Variants in DEPTOR observed in about 807,000 individuals in gnomAD.
The protein encoded by DEPTOR is DEP domain-containing mTOR-interacting protein.
In DEPTOR, 41 loss-of-function variants were observed where a neutral mutation model predicts 41.6. That is an observed-to-expected ratio of 0.98 (90% CI 0.77 to 1.28). The LOEUF (loss-of-function observed/expected upper bound fraction) is 1.28. Among genes scored for constraint, DEPTOR ranks in the 50% most tolerant of loss-of-function variants. The pLI is 0.00. For missense variants in DEPTOR, 514 were observed against 527.9 expected (o/e 0.97, Z 0.26); for synonymous variants, 195 against 192.3 (o/e 1.01, Z -0.12).
At chr8:119,941,591 A>C (rs1586625205) in intron 3 of DEPTOR, among the ~76,000 whole-genome samples, 1 of 152,146 alleles carries the variant, frequency 6.6e-6, no homozygotes, top group East Asian at 1.9e-4. Context: ...AGAGGAGTTG[A>C]AGAGATAGCA....
intron 8 of DEPTOR, among the ~76,000 whole-genome samples, chr8:120,022,722 A>T (rs1401972137): frequency 1.3e-5 from 2 of 150,338 alleles, no homozygotes; most frequent in East Asian, 2.0e-4. Flanking sequence ...TTTTCTAGAG[A>T]TGGGACTCTC....
chr8:119,944,729 A>C (rs1387913610), intron 3 of DEPTOR, among the ~76,000 whole-genome samples: 1 of 142,478 alleles, frequency 7.0e-6, no homozygotes, highest in African/African-American at 2.6e-5. Context: ...ATCTTGGCTT[A>C]CTGCAACCTC....
In DEPTOR at chr8:119,918,608, G is replaced by A. The variant is rs565843873; in HGVS notation, c.123-9792G>A. Among the ~76,000 whole-genome samples, 1,184 of 152,114 alleles carry A rather than the reference G, an allele frequency of 7.8e-3. 9 individuals are homozygous for A. The highest frequency in any genetic ancestry group is 0.072 in the Middle Eastern group (21 of 292). Reference sequence around the variant, plus strand: ...CCCGAGTAGCTGGGACTACAGGCACGTGCCACCATGCCCAGCTAATTTTTG... The same window carrying A: ...CCCGAGTAGCTGGGACTACAGGCACATGCCACCATGCCCAGCTAATTTTTG... On this transcript the variant is annotated intron_variant, in intron 1 of 8. Coordinates refer to ENST00000286234, the MANE Select transcript of DEPTOR (RefSeq NM_022783.4).
At chr8:119,888,651 T>C (rs1586599498) in intron 1 of DEPTOR, among the ~76,000 whole-genome samples, 1 of 151,712 alleles carries the variant, frequency 6.6e-6, no homozygotes, top group Non-Finnish European at 1.5e-5. Flanking sequence ...AGGCCAGGAG[T>C]TTGAGACCAG....
chr8:119,874,361 TCCCGAGGCGAC>T (rs946727366), intron 1 of DEPTOR: 2 of 243,702 alleles, frequency 8.2e-6, no homozygotes, highest in African/African-American at 4.7e-5. Flanking sequence ...CGCTGTGGGG[TCCCGAGGCGAC>T]CCCAGCCCCT....
intron 1 of DEPTOR, among the ~76,000 whole-genome samples, chr8:119,923,893 C>CTTTTTTTTTTTTTTTTTTTGTTT (rs769960283): frequency 9.5e-6 from 1 of 104,980 alleles, no homozygotes; most frequent in African/African-American, 3.0e-5. Context: ...TTTTTTCTTT[C>CTTTTTTTTTTTTTTTTTTTGTTT]TTTTTTTTTT....
chr8:120,049,883 T>C lies in DEPTOR; in HGVS notation c.*179T>C, dbSNP rs1813210503. 2 of 667,148 alleles carry C rather than the reference T, an allele frequency of 3.0e-6. No homozygotes were observed. Among genetic ancestry groups the C allele is most frequent in the Non-Finnish European group, 4.4e-6 (2 of 455,736 alleles). The allele number at this position is 667,148 out of a possible 1,614,324, so 41.3% of individuals were successfully genotyped here. ...GAATGTGGAAGAACCGGGTATCATA[T>C]CTTTTTTAAAAAATGTCAGTGTAGA... is the stretch of plus-strand genomic sequence containing the variant. On this transcript the variant is annotated 3_prime_UTR_variant, in exon 9 of 9. Coordinates refer to ENST00000286234, the MANE Select transcript of DEPTOR (RefSeq NM_022783.4).
chr8:120,015,694 A>G (rs1312548330), intron 8 of DEPTOR, among the ~76,000 whole-genome samples: 1 of 152,194 alleles, frequency 6.6e-6, no homozygotes, highest in Non-Finnish European at 1.5e-5. Flanking sequence ...TCACCCGTAC[A>G]GAGACAGAGG....
intron 4 of DEPTOR, among the ~76,000 whole-genome samples, chr8:119,988,171 GGTT>G (rs1828853720): frequency 6.6e-6 from 1 of 152,166 alleles, no homozygotes; most frequent in Non-Finnish European, 1.5e-5. Flanking sequence ...CTGGTCTGCG[GGTT>G]GTGAAGACTG....
At chr8:119,933,499 C>CACAA (rs1288878992) in intron 3 of DEPTOR, among the ~76,000 whole-genome samples, 2 of 148,072 alleles carry the variant, frequency 1.4e-5, no homozygotes, top group Admixed American at 6.7e-5. Context: ...CACACACACA[C>CACAA]AATGTTTATT....
intron 1 of DEPTOR, among the ~76,000 whole-genome samples, chr8:119,909,596 T>A (rs79095649): frequency 1.3e-5 from 2 of 152,218 alleles, no homozygotes; most frequent in Non-Finnish European, 2.9e-5. Context: ...AAACCATTAA[T>A]GTAAACAATT....
At chr8:120,001,798 T>A in intron 5 of DEPTOR, 88 bp downstream of exon 5, 1 of 1,424,138 alleles carries the variant, frequency 7.0e-7, no homozygotes, top group East Asian at 2.4e-5. Context: ...AATTCTGTTC[T>A]CTATCAGAGC....
intron 3 of DEPTOR, among the ~76,000 whole-genome samples, chr8:119,941,373 CAAAAAAA>C (rs749120675): frequency 7.5e-5 from 3 of 39,964 alleles, no homozygotes; most frequent in East Asian, 8.4e-4. Context: ...ATCTCCATCT[CAAAAAAA>C]AAAAAAAAAA....
chr8:119,954,120 A>G (rs1828388523), intron 3 of DEPTOR, among the ~76,000 whole-genome samples: 1 of 151,500 alleles, frequency 6.6e-6, no homozygotes, highest in East Asian at 1.9e-4. Flanking sequence ...TAATGGTTTT[A>G]ATATTTGGGT....
At chr8:120,009,392 C>A (rs112492589) in intron 8 of DEPTOR, among the ~76,000 whole-genome samples, 7 of 152,242 alleles carry the variant, frequency 4.6e-5, no homozygotes, top group African/African-American at 1.7e-4. Flanking sequence ...GCAGACATAT[C>A]ACTTGAGGTC....
At chr8:119,880,294 A>G (rs1827283174) in intron 1 of DEPTOR, among the ~76,000 whole-genome samples, 1 of 152,200 alleles carries the variant, frequency 6.6e-6, no homozygotes, top group South Asian at 2.1e-4. Context: ...TCTTCTAAGC[A>G]CTTTATGTAT....
At chr8:120,019,634 G>A (rs1206829560) in intron 8 of DEPTOR, among the ~76,000 whole-genome samples, 2 of 152,138 alleles carry the variant, frequency 1.3e-5, no homozygotes, top group Non-Finnish European at 2.9e-5. Flanking sequence ...TTCCTCATAG[G>A]GTTGGTGAAG....
At chr8:120,002,791 A>AAAAATATATATATATATATATATATAT in intron 5 of DEPTOR, among the ~76,000 whole-genome samples, 186 bp from the exon 6 acceptor site, 11 of 60,646 alleles carry the variant, frequency 1.8e-4, no homozygotes, top group African/African-American at 3.0e-4. Context: ...AAAAAAAAAA[A>AAAAATATATATATATATATATATATAT]ATATATATAT....
intron 4 of DEPTOR, among the ~76,000 whole-genome samples, chr8:119,978,385 G>A (rs1828723152): frequency 6.6e-6 from 1 of 152,092 alleles, no homozygotes; most frequent in Non-Finnish European, 1.5e-5. Flanking sequence ...CAGTCTCCTG[G>A]GTGGAACAGA....
Sources: allele counts gnomAD v4.1 joint callset (sites outside exome capture counted in the v4.1 genomes callset), GRCh38; gene constraint gnomAD v4.1.1; transcripts MANE v1.5; gene names NCBI Gene and HGNC (gene_info 2026-07-23, HGNC 2026-07-21).